The following ZNF479 variants were observed in gnomAD, a reference collection of about 807,000 sequenced individuals.
ZNF479 encodes the protein zinc finger protein 479.
In ZNF479, 15 loss-of-function variants were observed where a neutral mutation model predicts 14.7. The observed-to-expected ratio is 1.02, with a 90% CI of 0.68 to 1.57. The LOEUF is 1.57. Among genes scored for constraint, ZNF479 ranks in the 40% most tolerant of loss-of-function variants. ZNF479 has a pLI of 0.00. For missense variants in ZNF479, 506 were observed against 615.1 expected (o/e 0.82, Z 1.88); for synonymous variants, 145 against 211.5 (o/e 0.69, Z 2.73).
chr7:57,120,627 T>A lies in ZNF479; in HGVS notation c.788A>T (p.His263Leu), dbSNP rs1200615325. 1.9e-6 allele frequency: 3 copies of A among 1,613,856 alleles called. No homozygotes were observed. The highest frequency in any genetic ancestry group is 2.5e-6 in the Non-Finnish European group (3 of 1,179,896). ...SANLTRHKRTHTGEKPYTCEE... is the reference protein window; with the variant it reads ...SANLTRHKRTLTGEKPYTCEE... ...ACACGTGTAGGGTTTCTCTCCAGTATGAGTTCTCTTATGTCTAGTAAGGTT... is the reference window on the plus strand; with the variant it reads ...ACACGTGTAGGGTTTCTCTCCAGTAAGAGTTCTCTTATGTCTAGTAAGGTT... The change falls in exon 4 of 4, where the codon CAT becomes CTT. Residue 263 changes from histidine (H) to leucine (L), a missense_variant. His to Leu is a moderately conservative substitution (Grantham distance 99, BLOSUM62 -3). Coordinates refer to ENST00000319636, the MANE Select transcript of ZNF479 (RefSeq NM_001370129.2).
intron 1 of ZNF479, among the ~76,000 whole-genome samples, chr7:57,128,109 A>ATT (rs555685367): frequency 3.3e-5 from 5 of 149,642 alleles, no homozygotes; most frequent in African/African-American, 4.9e-5. Context: ...TAATTTTTGT[A>ATT]TTTTTTTTTA....
At chr7:57,127,026 C>CTTTTTTTTTTTTTTTTTTT (rs1317795538) in intron 1 of ZNF479, among the ~76,000 whole-genome samples, 6 of 77,928 alleles carry the variant, frequency 7.7e-5, no homozygotes, top group Admixed American at 1.4e-4. Context: ...TTTTTTTTTT[C>CTTTTTTTTTTTTTTTTTTT]TTTTTTTTTT....
chr7:57,139,055 C>T (rs190576887), intron 1 of ZNF479, among the ~76,000 whole-genome samples: 2 of 152,324 alleles, frequency 1.3e-5, no homozygotes, highest in East Asian at 3.9e-4. Flanking sequence ...TGGGCAAGCA[C>T]AAATGTCTCA....
chr7:57,123,223 C>T (rs1361632714), intron 3 of ZNF479, among the ~76,000 whole-genome samples: 9 of 152,108 alleles, frequency 5.9e-5, no homozygotes, highest in Admixed American at 1.3e-4. Context: ...TGGTGAAAGA[C>T]GACGTGAGTG....
chr7:57,120,397 G>T lies in ZNF479; in HGVS notation c.1018C>A (p.Leu340Ile). ...GTATGAATTCTCTTATGTCTAGTAAGGTTTGAGGACCAGCTAAAGGCTTTG... is the reference window on the plus strand; with the variant it reads ...GTATGAATTCTCTTATGTCTAGTAATGTTTGAGGACCAGCTAAAGGCTTTG... Reference protein sequence around the residue: ...CGKAFSWSSNLTRHKRIHTRE... With the variant: ...CGKAFSWSSNITRHKRIHTRE... The change falls in exon 4 of 4, where the codon CTT (leucine) becomes ATT (isoleucine). Residue 340 changes from leucine to isoleucine, a missense_variant. This residue lies in a region of ZNF479 where 420 missense variants were observed against 474.2 expected (regional missense o/e 0.89). Coordinates refer to ENST00000319636, the MANE Select transcript of ZNF479 (RefSeq NM_001370129.2). 1.2e-6 allele frequency: 2 copies of T among 1,613,494 alleles called. No individual in the cohort carries two copies. The highest frequency in any genetic ancestry group is 1.1e-5 in the South Asian group (1 of 91,048).
At chr7:57,136,942 A>T (rs1786676429), upstream of ZNF479, among the ~76,000 whole-genome samples, 1 of 152,000 alleles carries the variant, frequency 6.6e-6, no homozygotes, top group Non-Finnish European at 1.5e-5. Flanking sequence ...TGGTTTCAGG[A>T]GATGGAGGTT....
upstream of ZNF479, among the ~76,000 whole-genome samples, chr7:57,136,103 G>A (rs1310902324): frequency 6.6e-6 from 1 of 151,364 alleles, no homozygotes; most frequent in Non-Finnish European, 1.5e-5. Context: ...CCTGAAACAG[G>A]CCAGGCATGG....
At chr7:57,126,848 C>T in intron 1 of ZNF479, 130 bp from the exon 2 acceptor site, 2 of 727,382 alleles carry the variant, frequency 2.7e-6, no homozygotes, top group Non-Finnish European at 2.3e-6. Context: ...ACAAGAGTGA[C>T]TAAAATTATT....
chr7:57,131,365 CCT>C (rs1786409412), intron 1 of ZNF479, among the ~76,000 whole-genome samples: 1 of 151,886 alleles, frequency 6.6e-6, no homozygotes, highest in South Asian at 2.1e-4. Context: ...AAGTTGGAGA[CCT>C]ACCTGGCCAA....
chr7:57,129,003 A>G (rs556664342), intron 1 of ZNF479, among the ~76,000 whole-genome samples: 1 of 152,350 alleles, frequency 6.6e-6, no homozygotes, highest in East Asian at 1.9e-4. Context: ...CACGGCAGAA[A>G]GACCGAGACT....
chr7:57,135,414 T>C (rs1363291651), upstream of ZNF479, among the ~76,000 whole-genome samples: 2 of 152,028 alleles, frequency 1.3e-5, no homozygotes, highest in Admixed American at 6.6e-5. Flanking sequence ...TGTTTGTTTG[T>C]TTTTTTGTTT....
chr7:57,127,935 A>T (rs1430937344), intron 1 of ZNF479, among the ~76,000 whole-genome samples: 3 of 74,298 alleles, frequency 4.0e-5, no homozygotes, highest in East Asian at 4.6e-4. Context: ...ATATATATAT[A>T]TATTTTTTTT....
At chr7:57,138,434 T>C (rs1215207833) in intron 1 of ZNF479, among the ~76,000 whole-genome samples, 1 of 152,160 alleles carries the variant, frequency 6.6e-6, no homozygotes, top group African/African-American at 2.4e-5. Flanking sequence ...CCTCACACAT[T>C]GACAAAACTT....
Position 57,119,658 on chromosome 7 carries a change from T to G in ZNF479, c.*182A>C. 1 of 630,308 alleles carries G rather than the reference T, an allele frequency of 1.6e-6. No homozygotes were observed. Among genetic ancestry groups the G allele is most frequent in the African/African-American group, 1.8e-5 (1 of 54,250 alleles). 39.0% of individuals were successfully genotyped at this position (630,308 alleles called of 1,614,324 possible). ...CTTAGGTTTATTAAGGTTTGAGGGT[T>G]GGTTAAAGGCTTTGTTACATTTTTT... On this transcript the variant is annotated 3_prime_UTR_variant, in exon 4 of 4. Transcript: ENST00000319636.
Position 57,120,817 on chromosome 7 carries a change from G to C in ZNF479, c.598C>G (p.Leu200Val). ...GTATGAATTACCTGATGTTGATTTA[G>C]GTGTGAAAGCATGCAAAATGATTTG... ...YGKSFCMLSH[L>V]NQHQVIHTRE... Residue 200 changes from leucine to valine, a missense_variant, in exon 4 of 4, where the codon CTA becomes GTA. Physicochemically the swap from Leu to Val is conservative, Grantham distance 32. Transcript: ENST00000319636. 1 of 1,612,908 alleles carries C rather than the reference G, an allele frequency of 6.2e-7. No homozygotes were observed. The highest frequency in any genetic ancestry group is 1.3e-5 in the African/African-American group (1 of 74,998).
At chr7:57,130,689 A>C (rs1786375661) in intron 1 of ZNF479, among the ~76,000 whole-genome samples, 1 of 152,254 alleles carries the variant, frequency 6.6e-6, no homozygotes, top group Non-Finnish European at 1.5e-5. Context: ...AACCATTGAG[A>C]AAAGCAGTTT....
rs1276740783 is a variant in ZNF479, at chr7:57,126,046, C to G, written c.234G>C (p.Lys78Asn). 3 of 1,604,476 alleles carry G rather than the reference C, an allele frequency of 1.9e-6. No individual in the cohort carries two copies. The highest frequency in any genetic ancestry group is 2.5e-6 in the Non-Finnish European group (3 of 1,179,902). ...GGTGTTTGGCTACCATCTCATTTCT[C>G]TTTATATTCTGGGACTCTTTATTTT... ...LEQNKESQNI[K>N]RNEMVAKHPV... is the part of the protein sequence containing the mutation. Residue 78 changes from lysine (K) to asparagine (N), a missense_variant, in exon 3 of 4, where the codon AAG (lysine) becomes AAC (asparagine). Physicochemically the swap from Lys to Asn is moderately conservative, Grantham distance 94. Around this residue, in one of 3 missense-constraint regions of ZNF479, gnomAD observed 420 missense variants for 474.2 expected, o/e 0.89. Coordinates refer to ENST00000319636, the MANE Select transcript of ZNF479 (RefSeq NM_001370129.2).
intron 1 of ZNF479, among the ~76,000 whole-genome samples, chr7:57,127,032 T>C (rs1226740985): frequency 6.7e-6 from 1 of 148,668 alleles, no homozygotes; most frequent in Admixed American, 6.7e-5. Flanking sequence ...TTTTCTTTTT[T>C]TTTTTTTTGA....
At chr7:57,135,973 ATCTCTCTCTCTCTC>A (rs57853604), upstream of ZNF479, among the ~76,000 whole-genome samples, 198 of 125,312 alleles carry the variant, frequency 1.6e-3, 1 homozygote, top group East Asian at 2.3e-3. Context: ...CTCTCTCTCA[ATCTCTCTCTCTCTC>A]TCTCTCTCTC....
Sources: gnomAD v4.1 joint callset for allele counts (sites outside exome capture counted in the v4.1 genomes callset) on GRCh38, gnomAD v4.1.1 for gene constraint, gnomAD v4.1.1 regional missense constraint, MANE v1.5 for transcripts, NCBI Gene and HGNC (gene_info 2026-07-23, HGNC 2026-07-21) for gene names.